Variants in ACSM5 observed in about 807,000 individuals in gnomAD.
ACSM5 encodes the protein acyl-coenzyme A synthetase ACSM5, mitochondrial.
In ACSM5, 56 loss-of-function variants were observed where a neutral mutation model predicts 71.6. That is an observed-to-expected ratio of 0.78 (90% CI 0.63 to 0.98). ACSM5 has a LOEUF of 0.98. Ranked by LOEUF, ACSM5 falls within the 50% of genes least tolerant of loss-of-function variation. The probability of loss-of-function intolerance (pLI) is 0.00; values close to 1 mark genes in which losing one functional copy is unlikely to be tolerated. For synonymous variants in ACSM5, 285 were observed against 281.5 expected, an observed-to-expected ratio of 1.01 and a Z score of -0.12; for missense variants, 723 against 726.0, an observed-to-expected ratio of 1.00 and a Z score of 0.05.
At chr16:20,428,165 T>G (rs1967026320) in intron 7 of ACSM5, among the ~76,000 whole-genome samples, 1 of 152,210 alleles carries the variant, frequency 6.6e-6, no homozygotes, top group Admixed American at 6.5e-5. Context: ...TTTTAGCACC[T>G]GAGATAGGCT....
intron 10 of ACSM5, among the ~76,000 whole-genome samples, chr16:20,432,401 A>G (rs1411200183): frequency 6.6e-6 from 1 of 152,186 alleles, no homozygotes; most frequent in Admixed American, 6.5e-5. Flanking sequence ...AAATCAGTCC[A>G]TTTCTTTTCA....
chr16:20,424,097 T>C (rs765629436), intron 6 of ACSM5, 28 bp downstream of exon 6: 4 of 1,611,704 alleles, frequency 2.5e-6, no homozygotes, highest in Middle Eastern at 1.7e-4. Flanking sequence ...CAATACCCCA[T>C]ATGTGTTGGG....
intron 12 of ACSM5, among the ~76,000 whole-genome samples, chr16:20,438,147 G>A (rs1262760526): frequency 6.6e-6 from 1 of 151,886 alleles, no homozygotes; most frequent in East Asian, 1.9e-4. Flanking sequence ...CTTTCTGTGG[G>A]TCCCAGAGGA....
Position 20,411,588 on chromosome 16 carries a change from T to C in ACSM5, c.104T>C (p.Ile35Thr). The C allele has an allele frequency of 1.2e-6, 2 of 1,614,148 alleles. No individual in the cohort carries two copies. Among genetic ancestry groups the C allele is most frequent in the South Asian group, 2.2e-5 (2 of 91,064 alleles). ...GCACCTCTACCTGTTCCTCAGAAGA[T>C]CGTGGCCACCTGGGAAGCCATCAGC... ...KPAPLPVPQK[I>T]VATWEAISLG... The change falls in exon 2 of 14, where the codon ATC (isoleucine) becomes ACC (threonine). Residue 35 changes from isoleucine to threonine, a missense_variant. Ile to Thr is a moderately conservative substitution (Grantham distance 89, BLOSUM62 -1). Coordinates refer to ENST00000331849, the MANE Select transcript of ACSM5 (RefSeq NM_017888.3).
In ACSM5 at chr16:20,439,846, A is replaced by G. The variant is rs1013857768; in HGVS notation, c.1583A>G (p.Asp528Gly). Residue 528 changes from aspartate (D) to glycine (G), a missense_variant, in exon 13 of 14, where the codon GAC (aspartate) becomes GGC (glycine). Transcript: ENST00000331849. ...IVLTPAYSSHDPEALTRELQE... is the reference protein window; with the variant it reads ...IVLTPAYSSHGPEALTRELQE... The stretch of plus-strand genomic sequence containing the variant: ...CTTACTCCAGCCTACTCCTCTCATG[A>G]CCCAGAGGCACTAACGCGGGAACTC... 1.2e-6 allele frequency: 2 copies of G among 1,611,250 alleles called. No homozygotes were observed. Among genetic ancestry groups the G allele is most frequent in the Non-Finnish European group, 1.7e-6 (2 of 1,177,942 alleles).
At chr16:20,427,938 A>C (rs1967022216) in intron 7 of ACSM5, 71 bp downstream of exon 7, 1 of 1,075,056 alleles carries the variant, frequency 9.3e-7, no homozygotes, top group Non-Finnish European at 1.4e-6. Context: ...CCACACACAC[A>C]ACTACCCTCT....
intron 4 of ACSM5, 28 bp from the exon 5 acceptor site, chr16:20,421,230 T>C: frequency 6.5e-7 from 1 of 1,538,704 alleles, no homozygotes; most frequent in Non-Finnish European, 8.8e-7. Context: ...ACCGTGGTAG[T>C]GCCACCTAGT....
chr16:20,422,941 G>T (rs1218093916), intron 5 of ACSM5, among the ~76,000 whole-genome samples: 1 of 152,176 alleles, frequency 6.6e-6, no homozygotes, highest in Non-Finnish European at 1.5e-5. Flanking sequence ...CTGTCTGGTG[G>T]CAAGAAAACA....
rs1967327489 is a variant in ACSM5 at position 20,441,195 on chromosome 16, C to T, written c.*768C>T. On this transcript the variant is annotated 3_prime_UTR_variant, in exon 14 of 14. Transcript: ENST00000331849. Reference sequence around the variant, plus strand: ...GAAAACTGTGGTTAATTGTAATCCTCCTGGAGATTGAGGAGGGAGGGAGAG... The same window carrying T: ...GAAAACTGTGGTTAATTGTAATCCTTCTGGAGATTGAGGAGGGAGGGAGAG... 1 of 152,262 alleles carries T rather than the reference C, an allele frequency of 6.6e-6. No individual in the cohort carries two copies. Among genetic ancestry groups the T allele is most frequent in the South Asian group, 2.1e-4 (1 of 4,818 alleles). 9.4% of individuals were successfully genotyped at this position (152,262 alleles called of 1,614,324 possible). A position where few individuals can be genotyped will look rare whatever the true frequency, so the allele number is the denominator to read the frequency against.
At chr16:20,420,837 A>T (rs1394977640) in intron 4 of ACSM5, among the ~76,000 whole-genome samples, 1 of 152,190 alleles carries the variant, frequency 6.6e-6, no homozygotes, top group East Asian at 1.9e-4. Context: ...GATCATCCAG[A>T]TCACAGAACT....
chr16:20,436,033 TTTTC>T (rs1421279332), intron 10 of ACSM5, among the ~76,000 whole-genome samples: 3 of 50,024 alleles, frequency 6.0e-5, no homozygotes, highest in African/African-American at 1.2e-4. Context: ...CTTTCTTTCT[TTTTC>T]TTTCTTTCTC....
intron 5 of ACSM5, among the ~76,000 whole-genome samples, chr16:20,422,046 C>T (rs1298125739): frequency 6.6e-6 from 1 of 152,104 alleles, no homozygotes; most frequent in African/African-American, 2.4e-5. Context: ...AAATTTCCTT[C>T]CCTTTTAAGA....
At chr16:20,428,022 A>G (rs1967024072) in intron 7 of ACSM5, among the ~76,000 whole-genome samples, 155 bp downstream of exon 7, 1 of 152,112 alleles carries the variant, frequency 6.6e-6, no homozygotes, top group Admixed American at 6.5e-5. Flanking sequence ...TCTCTCTCAC[A>G]CACACATTTA....
chr16:20,411,324 C>A (rs906309798), intron 1 of ACSM5, 146 bp from the exon 2 acceptor site: 16 of 675,548 alleles, frequency 2.4e-5, no homozygotes, highest in Non-Finnish European at 3.8e-5. Flanking sequence ...CACAGCAGAA[C>A]TGAGACTGAA....
chr16:20,438,587 G>A (rs187873069), intron 12 of ACSM5, among the ~76,000 whole-genome samples: 2 of 151,774 alleles, frequency 1.3e-5, no homozygotes, highest in Non-Finnish European at 2.9e-5. Context: ...AGTTAACTGG[G>A]ACTGTGACAA....
chr16:20,421,450 G>A, intron 5 of ACSM5, 49 bp downstream of exon 5: 1 of 1,471,204 alleles, frequency 6.8e-7, no homozygotes, highest in Non-Finnish European at 9.1e-7. Flanking sequence ...AGTGGGGAGT[G>A]GTCTGGAGGG....
At chr16:20,411,376 C>A (rs1966847307) in intron 1 of ACSM5, 94 bp from the exon 2 acceptor site, 1 of 943,788 alleles carries the variant, frequency 1.1e-6, no homozygotes, top group Non-Finnish European at 1.6e-6. Context: ...ATCACAGTCA[C>A]CATCAGCACT....
At chr16:20,423,553 C>T (rs1181298872) in intron 5 of ACSM5, among the ~76,000 whole-genome samples, 1 of 152,218 alleles carries the variant, frequency 6.6e-6, no homozygotes, top group Non-Finnish European at 1.5e-5. Context: ...GCCCTCAAAG[C>T]AAGACTAATC....
intron 1 of ACSM5, 114 bp downstream of exon 1, chr16:20,409,779 G>A (rs920211808): frequency 2.0e-5 from 3 of 152,020 alleles, no homozygotes; most frequent in South Asian, 4.1e-4. Context: ...GGAGGCCTGG[G>A]GATTCTAAAT....
Sources: gnomAD v4.1 joint callset for allele counts (sites outside exome capture counted in the v4.1 genomes callset) on GRCh38, gnomAD v4.1.1 for gene constraint, MANE v1.5 for transcripts, NCBI Gene and HGNC (gene_info 2026-07-23, HGNC 2026-07-21) for gene names.